Variants in PDE6G observed in about 807,000 individuals in gnomAD.
The protein encoded by PDE6G is phosphodiesterase 6G.
Under a neutral mutation model 10.9 loss-of-function variants are expected in PDE6G, and 10 were observed. That is an observed-to-expected ratio of 0.91 (90% confidence interval 0.56 to 1.55). The LOEUF (loss-of-function observed/expected upper bound fraction) is 1.55, where lower values mean the gene tolerates loss of function less well. Ranked by LOEUF, PDE6G falls within the 40% of genes most tolerant of loss-of-function variation. The pLI, the probability that PDE6G is intolerant of heterozygous loss-of-function variation, is 0.00. For synonymous variants in PDE6G, 41 were observed against 42.8 expected (o/e 0.96, Z 0.16); for missense variants, 102 against 110.1 (o/e 0.93, Z 0.33).
intron 1 of PDE6G, among the ~76,000 whole-genome samples, chr17:81,662,708 T>TA (rs2036524685): frequency 6.6e-6 from 1 of 152,098 alleles, no homozygotes; most frequent in Non-Finnish European, 1.5e-5. Flanking sequence ...TCATGAAAAC[T>TA]AAGCAGTTGG....
intron 1 of PDE6G, among the ~76,000 whole-genome samples, chr17:81,654,268 C>T (rs2036413155): frequency 1.3e-5 from 2 of 152,196 alleles, no homozygotes; most frequent in African/African-American, 4.8e-5. Context: ...CCCTGAACCC[C>T]CGCCCTGCAG....
rs2036419858 is a variant in PDE6G, at chr17:81,654,687, A to C, written c.-59-1323T>G. Among the ~76,000 whole-genome samples, 11 of 145,018 alleles carry C rather than the reference A, an allele frequency of 7.6e-5. No individual in the cohort carries two copies. In the Admixed American group the frequency reaches 7.6e-4, roughly 10 times the overall value. On this transcript the variant is annotated intron_variant, in intron 1 of 3. Transcript: ENST00000331056. ...GTGAGCCACCGCGCCCGGCCTAAAA[A>C]AGTTTTAATACCTGCCAAAGTAGCC...
rs769585843 is a variant in PDE6G at position 81,653,327 on chromosome 17, G to C, written c.-22C>G. On this transcript the variant is annotated 5_prime_UTR_variant, in exon 2 of 4. Coordinates refer to ENST00000331056, the MANE Select transcript of PDE6G (RefSeq NM_002602.4). This position sits in a 1 kb window ranked among gnomAD's most constrained non-coding sequence, Gnocchi z 5.2. ...TCATGGTGAGGCTGACGGAGACACC[G>C]CGGCAACCTTGGCTCCTGGACTCCC... 6.2e-7 allele frequency: 1 copy of C among 1,610,092 alleles called. No individual in the cohort carries two copies. The highest frequency in any genetic ancestry group is 8.5e-7 in the Non-Finnish European group (1 of 1,179,858).
chr17:81,656,660 G>A, upstream of PDE6G: 1 of 703,882 alleles, frequency 1.4e-6, no homozygotes, highest in South Asian at 1.5e-5. Context: ...CAAGGTTCAG[G>A]GGATGGAGAG....
At chr17:81,658,108 T>C (rs1406095032), upstream of PDE6G, among the ~76,000 whole-genome samples, 1 of 151,548 alleles carries the variant, frequency 6.6e-6, no homozygotes, top group Admixed American at 6.6e-5. Context: ...TTTTTGAGAC[T>C]GAGTCTCGCT....
chr17:81,660,994 C>T (rs544318544), upstream of PDE6G, among the ~76,000 whole-genome samples: 34 of 152,322 alleles, frequency 2.2e-4, no homozygotes, highest in African/African-American at 7.9e-4. Flanking sequence ...TCATGACTTA[C>T]TTCCGTCTTG....
At position 81,650,663 on chromosome 17, in the gene PDE6G, G is replaced by A. The variant is rs777819764; in HGVS notation, c.*411C>T. On this transcript the variant is annotated 3_prime_UTR_variant, in exon 4 of 4. Coordinates refer to ENST00000331056, the MANE Select transcript of PDE6G (RefSeq NM_002602.4). ...GGAGCTTCTCTGTATCCCCTTACAG[G>A]CAGGACAGGGGGCTGGGGTGCAGAA... 2.2e-6 allele frequency: 1 copy of A among 456,348 alleles called. No homozygotes were observed. Among genetic ancestry groups the A allele is most frequent in the South Asian group, 1.6e-5 (1 of 64,492 alleles). 28.3% of individuals were successfully genotyped at this position (456,348 alleles called of 1,614,324 possible).
upstream of PDE6G, among the ~76,000 whole-genome samples, chr17:81,658,920 A>T (rs917664987): frequency 1.3e-5 from 2 of 152,168 alleles, no homozygotes; most frequent in Non-Finnish European, 2.9e-5. Context: ...TATCACAGAC[A>T]ATATACAAAG....
At position 81,650,944 on chromosome 17, in the gene PDE6G, G is replaced by A; in HGVS notation, c.*130C>T. 2 of 737,798 alleles carry A rather than the reference G, an allele frequency of 2.7e-6. No homozygotes were observed. The highest frequency in any genetic ancestry group is 2.0e-5 in the Admixed American group (1 of 50,506). The allele number at this position is 737,798 out of a possible 1,614,324, so 45.7% of individuals were successfully genotyped here. A position where few individuals can be genotyped will look rare whatever the true frequency, so the allele number is the denominator to read the frequency against. ...TATTAATATGTAGGGGGAGACCTGAGGTTGCAGTCCCATCCTGGTGTCCAG... is the reference window on the plus strand; with the variant it reads ...TATTAATATGTAGGGGGAGACCTGAAGTTGCAGTCCCATCCTGGTGTCCAG... On this transcript the variant is annotated 3_prime_UTR_variant, in exon 4 of 4. Coordinates refer to ENST00000331056, the MANE Select transcript of PDE6G (RefSeq NM_002602.4).
chr17:81,661,768 G>C (rs371179292), intron 1 of PDE6G, among the ~76,000 whole-genome samples: 94 of 151,062 alleles, frequency 6.2e-4, no homozygotes, highest in Middle Eastern at 3.4e-3. Context: ...ACTGAGGCAG[G>C]AGAATCGCTT....
At chr17:81,662,212 G>A (rs1047921541) in intron 1 of PDE6G, among the ~76,000 whole-genome samples, 3 of 152,076 alleles carry the variant, frequency 2.0e-5, no homozygotes, top group African/African-American at 7.2e-5. Flanking sequence ...ACCTCCTGAG[G>A]CTGTCACAGG....
upstream of PDE6G, among the ~76,000 whole-genome samples, chr17:81,658,858 A>G (rs1286755788): frequency 6.6e-6 from 1 of 152,152 alleles, no homozygotes; most frequent in Non-Finnish European, 1.5e-5. Flanking sequence ...TAATAAAAAT[A>G]TAAATAGTAA....
chr17:81,655,507 A>G (rs1218631245), intron 1 of PDE6G, among the ~76,000 whole-genome samples: 1 of 152,200 alleles, frequency 6.6e-6, no homozygotes, highest in African/African-American at 2.4e-5. Context: ...ACTGCTGCAC[A>G]GGGTGGCCTC....
At chr17:81,655,954 C>T (rs2036440867) in intron 1 of PDE6G, among the ~76,000 whole-genome samples, 1 of 152,180 alleles carries the variant, frequency 6.6e-6, no homozygotes, top group Admixed American at 6.5e-5. Flanking sequence ...AAGGTTCAGC[C>T]TCTGTCCCCG....
intron 2 of PDE6G, among the ~76,000 whole-genome samples, chr17:81,652,422 G>T (rs568734639): frequency 2.8e-4 from 42 of 151,674 alleles, no homozygotes; most frequent in African/African-American, 9.7e-4. Flanking sequence ...GACTACAGGC[G>T]CCCGCCACCA....
chr17:81,656,597 G>A (rs770404236), upstream of PDE6G: 27 of 744,560 alleles, frequency 3.6e-5, no homozygotes, highest in South Asian at 7.0e-5. Flanking sequence ...CTGATTAGGC[G>A]TCTCAGTGCC....
chr17:81,659,468 G>A (rs982943980), upstream of PDE6G, among the ~76,000 whole-genome samples: 12 of 151,362 alleles, frequency 7.9e-5, no homozygotes, highest in Admixed American at 2.0e-4. Flanking sequence ...GCGTGGTGGC[G>A]GGCGCCTGTA....
At chr17:81,656,865 C>T (rs1322746065), upstream of PDE6G, 1 of 521,060 alleles carries the variant, frequency 1.9e-6, no homozygotes, top group Non-Finnish European at 3.5e-6. Context: ...AAGGGCCCAC[C>T]TTCATGGTCC....
chr17:81,660,972 G>A (rs1384638846), upstream of PDE6G, among the ~76,000 whole-genome samples: 1 of 152,212 alleles, frequency 6.6e-6, no homozygotes, highest in Non-Finnish European at 1.5e-5. Flanking sequence ...AGGCTGGAGT[G>A]TAGTGAGGCA....
Sources: allele counts gnomAD v4.1 joint callset (sites outside exome capture counted in the v4.1 genomes callset), GRCh38; gene constraint gnomAD v4.1.1; non-coding constraint Gnocchi (gnomAD v3.1); transcripts MANE v1.5; gene names NCBI Gene and HGNC (gene_info 2026-07-23, HGNC 2026-07-21).